Variants in ADAMTSL3 observed in about 807,000 individuals in gnomAD.
ADAMTSL3 encodes ADAMTS like 3.
A neutral mutation model predicts 201.7 loss-of-function variants in ADAMTSL3; 128 were observed. The observed-to-expected ratio is 0.63, with a 90% CI of 0.55 to 0.73. ADAMTSL3 has a LOEUF of 0.73. ADAMTSL3 is among the 30% of genes least tolerant of loss of function. The probability of loss-of-function intolerance (pLI) is 0.00; values close to 1 mark genes in which losing one functional copy is unlikely to be tolerated. For synonymous variants in ADAMTSL3, 738 were observed against 748.4 expected, an observed-to-expected ratio of 0.99 and a Z score of 0.23; for missense variants, 1,990 against 2,119.6, an observed-to-expected ratio of 0.94 and a Z score of 1.20.
At chr15:83,856,746 A>G (rs907609179) in intron 7 of ADAMTSL3, among the ~76,000 whole-genome samples, 3 of 152,116 alleles carry the variant, frequency 2.0e-5, no homozygotes, top group Admixed American at 6.6e-5. Flanking sequence ...CCTTTCGTCT[A>G]TTGGGAATAA....
intron 3 of ADAMTSL3, among the ~76,000 whole-genome samples, chr15:83,723,187 A>G (rs1010061821): frequency 3.3e-5 from 5 of 152,210 alleles, no homozygotes; most frequent in African/African-American, 4.8e-5. Context: ...GTTAATAATC[A>G]TATGGAAAGA....
intron 20 of ADAMTSL3, among the ~76,000 whole-genome samples, chr15:83,979,815 G>A (rs1263548794): frequency 1.3e-5 from 2 of 152,184 alleles, no homozygotes; most frequent in Non-Finnish European, 2.9e-5. Flanking sequence ...CTTCCCTCTT[G>A]ACCAGCAGCT....
At chr15:83,942,873 C>G (rs745415705) in intron 18 of ADAMTSL3, 30 bp from the exon 19 acceptor site, 2 of 1,606,964 alleles carry the variant, frequency 1.2e-6, no homozygotes, top group Admixed American at 3.4e-5. Context: ...TGGGCCAAGC[C>G]TGCCGCCTCA....
chr15:83,834,677 C>T, intron 6 of ADAMTSL3, among the ~76,000 whole-genome samples: 1 of 152,262 alleles, frequency 6.6e-6, no homozygotes, highest in Middle Eastern at 3.4e-3. Flanking sequence ...CCAAAAAGCA[C>T]TACTCATATA....
At chr15:83,699,173 G>A (rs545287744) in intron 2 of ADAMTSL3, among the ~76,000 whole-genome samples, 50 of 151,930 alleles carry the variant, frequency 3.3e-4, no homozygotes, top group Admixed American at 6.6e-4. Flanking sequence ...TATCTCCAGC[G>A]TCAGATTTCC....
intron 3 of ADAMTSL3, among the ~76,000 whole-genome samples, chr15:83,749,046 C>T (rs1297059228): frequency 6.6e-6 from 1 of 151,972 alleles, no homozygotes; most frequent in Non-Finnish European, 1.5e-5. Context: ...AATGCAGCCC[C>T]AAAGAAAGCC....
intron 17 of ADAMTSL3, among the ~76,000 whole-genome samples, chr15:83,928,733 A>G (rs1369399611): frequency 1.3e-5 from 2 of 152,254 alleles, no homozygotes; most frequent in Admixed American, 6.5e-5. Flanking sequence ...ATTAGTGCAT[A>G]AAGTTGGCAT....
At chr15:83,686,181 G>C (rs2061533551) in intron 2 of ADAMTSL3, among the ~76,000 whole-genome samples, 1 of 152,190 alleles carries the variant, frequency 6.6e-6, no homozygotes, top group African/African-American at 2.4e-5. Flanking sequence ...AAACTGAGCT[G>C]TTTTTAAAGA....
chr15:84,033,840 G>A (rs533459048), intron 28 of ADAMTSL3, among the ~76,000 whole-genome samples: 2 of 152,166 alleles, frequency 1.3e-5, no homozygotes, highest in Non-Finnish European at 2.9e-5. Context: ...GGCAGAAAAT[G>A]TAATACGGAA....
chr15:83,952,651 T>C (rs2066778748), intron 19 of ADAMTSL3, among the ~76,000 whole-genome samples: 1 of 152,000 alleles, frequency 6.6e-6, no homozygotes. Flanking sequence ...TTTACAATTG[T>C]CATATCCCGC....
intron 3 of ADAMTSL3, among the ~76,000 whole-genome samples, chr15:83,763,506 CTTT>C (rs1294346370): frequency 3.0e-5 from 4 of 131,936 alleles, no homozygotes; most frequent in Admixed American, 7.7e-5. Flanking sequence ...ACAAATAATT[CTTT>C]TTTTTTTTTT....
At chr15:83,802,628 T>C in intron 4 of ADAMTSL3, among the ~76,000 whole-genome samples, 1 of 152,302 alleles carries the variant, frequency 6.6e-6, no homozygotes, top group East Asian at 1.9e-4. Flanking sequence ...TCCATTTATA[T>C]AACATTTTGG....
chr15:83,704,210 C>G (rs773010420), intron 2 of ADAMTSL3, among the ~76,000 whole-genome samples, 179 bp from the exon 3 acceptor site: 1 of 152,180 alleles, frequency 6.6e-6, no homozygotes, highest in Non-Finnish European at 1.5e-5. Context: ...CCTGGCCTAA[C>G]AGTGCCCTGA....
chr15:83,911,629 C>T (rs990184723), intron 15 of ADAMTSL3, among the ~76,000 whole-genome samples: 1 of 152,190 alleles, frequency 6.6e-6, no homozygotes, highest in Non-Finnish European at 1.5e-5. Flanking sequence ...ATTTTCAACA[C>T]AATGAACAAC....
chr15:83,996,395 A>T (rs2067686129), intron 23 of ADAMTSL3, among the ~76,000 whole-genome samples: 1 of 152,240 alleles, frequency 6.6e-6, no homozygotes, highest in Non-Finnish European at 1.5e-5. Context: ...TAAATTTAAA[A>T]GTCAAGCCAC....
In ADAMTSL3 at chr15:84,016,494, C is replaced by T. The variant is rs893221033; in HGVS notation, c.4268C>T (p.Pro1423Leu). 2 of 1,613,418 alleles carry T rather than the reference C, an allele frequency of 1.2e-6. No individual in the cohort carries two copies. Among genetic ancestry groups the T allele is most frequent in the South Asian group, 1.1e-5 (1 of 91,030 alleles). Reference sequence around the variant, plus strand: ...AATGACCCAACAGGAGAACCCCCGCCTCAAGGTCTGGGATTTTGACCTTTT... The same window carrying T: ...AATGACCCAACAGGAGAACCCCCGCTTCAAGGTCTGGGATTTTGACCTTTT... ...NSNDPTGEPP[P>L]QEPFWEPGNW... is the part of the protein sequence containing the mutation. The change falls in exon 25 of 30, where the codon CCT becomes CTT. Residue 1423 changes from proline (P) to leucine (L), a missense_variant. By Grantham distance (98) the Pro-to-Leu change is moderately conservative. Transcript: ENST00000286744.
Position 83,891,315 on chromosome 15 carries a change from G to T in ADAMTSL3, c.1212-14G>T. The T allele has an allele frequency of 2.5e-6, 4 of 1,580,916 alleles. No homozygotes were observed. The highest frequency in any genetic ancestry group is 3.5e-6 in the Non-Finnish European group (4 of 1,150,664). ...ATTATAGAAATGATATTCTCACAAT[G>T]ATTTCATTTGTAGTGATGGATTTAA... is the stretch of plus-strand genomic sequence containing the variant. On this transcript the variant is annotated splice_polypyrimidine_tract_variant and intron_variant, in intron 11 of 29. Coordinates refer to ENST00000286744, the MANE Select transcript of ADAMTSL3 (RefSeq NM_207517.3).
rs1444543225 is a variant in ADAMTSL3, at chr15:83,981,431, A to T, written c.2645-842A>T. Reference sequence around the variant, plus strand: ...AGATCAGTGGTGGCAGCAGTTATATATGAGAGCTCATTATGTGCCCGCTAC... The same window carrying T: ...AGATCAGTGGTGGCAGCAGTTATATTTGAGAGCTCATTATGTGCCCGCTAC... On this transcript the variant is annotated intron_variant, in intron 20 of 29. Coordinates refer to ENST00000286744, the MANE Select transcript of ADAMTSL3 (RefSeq NM_207517.3). 3.3e-5 allele frequency among the ~76,000 whole-genome samples: 5 copies of T among 152,320 alleles called. 1 individual carries two copies. The highest frequency in any genetic ancestry group is 3.3e-4 in the Admixed American group (5 of 15,310).
At chr15:83,900,281 C>G (rs2065698441) in intron 15 of ADAMTSL3, among the ~76,000 whole-genome samples, 1 of 152,146 alleles carries the variant, frequency 6.6e-6, no homozygotes, top group African/African-American at 2.4e-5. Flanking sequence ...CTTGATCTCT[C>G]CAGGGTTCAT....
Sources: allele counts gnomAD v4.1 joint callset (sites outside exome capture counted in the v4.1 genomes callset), GRCh38; gene constraint gnomAD v4.1.1; transcripts MANE v1.5; gene names NCBI Gene and HGNC (gene_info 2026-07-23, HGNC 2026-07-21).